SYT9: variants seen among roughly 807,000 people sequenced by gnomAD.
SYT9 encodes the protein synaptotagmin-9.
Under a neutral mutation model 48.4 loss-of-function variants are expected in SYT9, and 22 were observed. The observed-to-expected ratio is 0.45, with a 90% CI of 0.32 to 0.65. The LOEUF (loss-of-function observed/expected upper bound fraction) is 0.65, where lower values mean the gene tolerates loss of function less well. SYT9 is among the 30% of genes least tolerant of loss of function. The pLI, the probability that SYT9 is intolerant of heterozygous loss-of-function variation, is 0.03. For missense variants in SYT9, 577 were observed against 622.0 expected, an observed-to-expected ratio of 0.93 and a Z score of 0.77; for synonymous variants, 265 against 245.0, an observed-to-expected ratio of 1.08 and a Z score of -0.76.
chr11:7,391,757 A>AC lies in SYT9; in HGVS notation c.1045-24285_1045-24284insC, dbSNP rs1846617562. On this transcript the variant is annotated intron_variant, in intron 3 of 6. Coordinates refer to ENST00000318881, the MANE Select transcript of SYT9 (RefSeq NM_175733.4). ...CTCTAAAAAAAAAAAAAAAAAAAAA[A>AC]AAAAAAAACCTAGCTAGGCGTGGTG... Among the ~76,000 whole-genome samples the AC allele has an allele frequency of 2.0e-5, 3 of 147,314 alleles. 1 individual carries two copies. The Admixed American group carries it at 2.1e-4, about 10-fold the overall frequency.
At chr11:7,284,201 T>C (rs1230951939) in intron 1 of SYT9, among the ~76,000 whole-genome samples, 7 of 152,176 alleles carry the variant, frequency 4.6e-5, no homozygotes, top group African/African-American at 1.7e-4. Context: ...TCCAGCCTCT[T>C]GATCATACAT....
intron 6 of SYT9, among the ~76,000 whole-genome samples, chr11:7,443,933 C>G: frequency 6.6e-6 from 1 of 152,190 alleles, no homozygotes; most frequent in East Asian, 1.9e-4. Flanking sequence ...TCAGTGGAAG[C>G]AGCCATTCCA....
chr11:7,312,589 A>C (rs1348711086), intron 2 of SYT9, among the ~76,000 whole-genome samples: 1 of 152,214 alleles, frequency 6.6e-6, no homozygotes, highest in South Asian at 2.1e-4. Context: ...AAACCAATAC[A>C]CTTACAGGGT....
chr11:7,465,189 T>C (rs1378520077), intron 6 of SYT9, among the ~76,000 whole-genome samples: 1 of 152,182 alleles, frequency 6.6e-6, no homozygotes, highest in Admixed American at 6.5e-5. Flanking sequence ...TCATTCAGTC[T>C]TTCTTCCTAG....
At chr11:7,463,596 A>G (rs1848272049) in intron 6 of SYT9, among the ~76,000 whole-genome samples, 3 of 152,208 alleles carry the variant, frequency 2.0e-5, no homozygotes, top group African/African-American at 7.2e-5. Context: ...TTTGTTTTCA[A>G]GAGGCTTTTC....
chr11:7,247,183 A>C (rs983162236), upstream of SYT9, among the ~76,000 whole-genome samples: 1 of 152,094 alleles, frequency 6.6e-6, no homozygotes, highest in African/African-American at 2.4e-5. Flanking sequence ...GATTTGTGAG[A>C]TATTGGTGCA....
intron 3 of SYT9, among the ~76,000 whole-genome samples, chr11:7,374,553 C>G (rs1037179011): frequency 6.6e-6 from 1 of 152,178 alleles, no homozygotes; most frequent in African/African-American, 2.4e-5. Context: ...AAAAGCGTTC[C>G]TATTTCTCCA....
chr11:7,372,049 T>C (rs887115435), intron 3 of SYT9, among the ~76,000 whole-genome samples: 2 of 152,194 alleles, frequency 1.3e-5, no homozygotes, highest in Non-Finnish European at 2.9e-5. Context: ...TCCTTGATCA[T>C]AGGATATATC....
chr11:7,320,179 A>C (rs999172170), intron 3 of SYT9, among the ~76,000 whole-genome samples: 1 of 152,234 alleles, frequency 6.6e-6, no homozygotes, highest in African/African-American at 2.4e-5. Flanking sequence ...CTGAGGTTAC[A>C]TAGCTGAATA....
At chr11:7,419,986 A>C (rs1196822877) in intron 5 of SYT9, among the ~76,000 whole-genome samples, 3 of 152,212 alleles carry the variant, frequency 2.0e-5, no homozygotes, top group Non-Finnish European at 4.4e-5. Context: ...CTGAACTTAG[A>C]AGAAAGGAGG....
intron 1 of SYT9, among the ~76,000 whole-genome samples, chr11:7,268,369 A>G (rs551739489): frequency 6.6e-6 from 1 of 152,096 alleles, no homozygotes; most frequent in East Asian, 1.9e-4. Flanking sequence ...ACTGTGGCAT[A>G]GAAAAAATAT....
In SYT9 at chr11:7,467,034, T is replaced by C. The variant is rs1323139948; in HGVS notation, c.*234T>C. ...GTGCTGCAGGGAAGCATGTCTCTCA[T>C]GCCAAGAACCAAGATCGGACTATGA... On this transcript the variant is annotated 3_prime_UTR_variant, in exon 7 of 7. Coordinates refer to ENST00000318881, the MANE Select transcript of SYT9 (RefSeq NM_175733.4). 3 of 548,540 alleles carry C rather than the reference T, an allele frequency of 5.5e-6. No homozygotes were observed. The highest frequency in any genetic ancestry group is 3.8e-5 in the African/African-American group (2 of 52,442). 34.0% of individuals were successfully genotyped at this position (548,540 alleles called of 1,614,324 possible).
intron 6 of SYT9, among the ~76,000 whole-genome samples, chr11:7,431,650 C>A (rs956651108): frequency 5.3e-5 from 8 of 152,224 alleles, no homozygotes; most frequent in Non-Finnish European, 1.0e-4. Flanking sequence ...TTTTGTGGGC[C>A]AGGACCAGGG....
intron 3 of SYT9, among the ~76,000 whole-genome samples, chr11:7,332,684 A>G (rs1849561254): frequency 6.6e-6 from 1 of 152,214 alleles, no homozygotes; most frequent in Non-Finnish European, 1.5e-5. Context: ...AGCAGGCTGG[A>G]TGCTCCTGAG....
intron 3 of SYT9, among the ~76,000 whole-genome samples, chr11:7,402,048 G>T (rs979112401): frequency 9.2e-5 from 14 of 151,774 alleles, no homozygotes; most frequent in African/African-American, 2.7e-4. Flanking sequence ...TTTATTTCCA[G>T]TTCATTCTAA....
chr11:7,388,483 C>A (rs1850702942), intron 3 of SYT9, among the ~76,000 whole-genome samples: 2 of 151,772 alleles, frequency 1.3e-5, no homozygotes, highest in South Asian at 2.1e-4. Flanking sequence ...TACTTATTTT[C>A]TATTCATTAT....
intron 3 of SYT9, among the ~76,000 whole-genome samples, chr11:7,396,895 C>T (rs1351586056): frequency 6.6e-6 from 1 of 152,158 alleles, no homozygotes; most frequent in Non-Finnish European, 1.5e-5. Context: ...TATATTTATA[C>T]ATACAGTCTT....
intron 1 of SYT9, among the ~76,000 whole-genome samples, chr11:7,302,570 C>G (rs1033624470): frequency 6.6e-6 from 1 of 152,174 alleles, no homozygotes; most frequent in Non-Finnish European, 1.5e-5. Context: ...CAAAAAAGCA[C>G]TCTAGTTTCT....
Position 7,392,241 on chromosome 11 carries a change from C to G in SYT9, c.1045-23801C>G, listed in dbSNP as rs528648495. 2.2e-4 allele frequency among the ~76,000 whole-genome samples: 33 copies of G among 152,066 alleles called. No individual in the cohort carries two copies. In the East Asian group the frequency reaches 5.8e-3, roughly 27 times the overall value. On this transcript the variant is annotated intron_variant, in intron 3 of 6. Coordinates refer to ENST00000318881, the MANE Select transcript of SYT9 (RefSeq NM_175733.4). ...CTTCTAAGATTTTTATAGTTTGAGGCCTTACATTAAATCTTTAATATATTT... is the reference window on the plus strand; with the variant it reads ...CTTCTAAGATTTTTATAGTTTGAGGGCTTACATTAAATCTTTAATATATTT...
Sources: allele counts gnomAD v4.1 joint callset (sites outside exome capture counted in the v4.1 genomes callset), GRCh38; gene constraint gnomAD v4.1.1; transcripts MANE v1.5; gene names NCBI Gene and HGNC (gene_info 2026-07-23, HGNC 2026-07-21).